Variants in ARK2N observed in about 807,000 individuals in gnomAD.
ARK2N encodes arkadia (RNF111) N-terminal like PKA signaling regulator 2N, also known as protein ARK2N.
the ARK2N span, among the ~76,000 whole-genome samples, chr18:46,241,198 A>G: frequency 6.6e-6 from 1 of 152,220 alleles, no homozygotes; most frequent in Non-Finnish European, 1.5e-5. Context: ...TTTGATTGGA[A>G]TTACAGAAAA....
the ARK2N span, chr18:46,264,606 A>G: frequency 6.5e-6 from 1 of 152,732 alleles, no homozygotes; most frequent in Non-Finnish European, 1.5e-5. Context: ...TGCTCTGCAT[A>G]AGGCACTGTG....
chr18:46,206,224 T>C, the ARK2N span, among the ~76,000 whole-genome samples: 2 of 152,040 alleles, frequency 1.3e-5, no homozygotes, highest in Admixed American at 6.6e-5. Context: ...TAGCTGAGAC[T>C]ACCAGCATGC....
At chr18:46,248,964 C>G in the ARK2N span, among the ~76,000 whole-genome samples, 1 of 152,186 alleles carries the variant, frequency 6.6e-6, no homozygotes, top group African/African-American at 2.4e-5. Context: ...TCAGTCCTCT[C>G]CCAGCTTCCT....
the ARK2N span, among the ~76,000 whole-genome samples, chr18:46,246,933 C>T: frequency 8.2e-5 from 12 of 145,996 alleles, no homozygotes; most frequent in Non-Finnish European, 1.8e-4. Context: ...AAGAGCAAAA[C>T]TCCATTTCAA....
the ARK2N span, chr18:46,263,150 C>G: frequency 1.3e-6 from 2 of 1,544,062 alleles, no homozygotes; most frequent in Non-Finnish European, 1.8e-6. Context: ...CTGCACTGTT[C>G]CCTTCCACTT....
the ARK2N span, chr18:46,263,805 C>T: frequency 6.6e-6 from 1 of 152,616 alleles, no homozygotes; most frequent in East Asian, 1.9e-4. Flanking sequence ...TAACTCTTTG[C>T]AAAATGTCTC....
chr18:46,231,675 A>G, the ARK2N span: 1 of 150,116 alleles, frequency 6.7e-6, no homozygotes, highest in Non-Finnish European at 1.5e-5. Context: ...GCTGTTACTA[A>G]GATTTAACAG....
chr18:46,217,245 G>C, the ARK2N span: 1 of 152,602 alleles, frequency 6.6e-6, no homozygotes, highest in Non-Finnish European at 1.5e-5. Flanking sequence ...ATTGGTATAA[G>C]GGTCTGTAAC....
At chr18:46,245,347 C>G in the ARK2N span, among the ~76,000 whole-genome samples, 1 of 151,858 alleles carries the variant, frequency 6.6e-6, no homozygotes, top group Non-Finnish European at 1.5e-5. Context: ...GTGGGCAGAT[C>G]ACGAGGTCAG....
At chr18:46,189,482 G>A in the ARK2N span, among the ~76,000 whole-genome samples, 1 of 151,914 alleles carries the variant, frequency 6.6e-6, no homozygotes, top group Non-Finnish European at 1.5e-5. Flanking sequence ...AAAGAGATGG[G>A]GTCTCATTAT....
chr18:46,204,940 T>TAA, the ARK2N span, among the ~76,000 whole-genome samples: 19 of 146,526 alleles, frequency 1.3e-4, no homozygotes, highest in Admixed American at 4.7e-4. Context: ...TTTTTTTTTT[T>TAA]ATTTTTTTTA....
the ARK2N span, among the ~76,000 whole-genome samples, chr18:46,220,118 G>A: frequency 8.5e-5 from 13 of 152,144 alleles, no homozygotes; most frequent in African/African-American, 2.2e-4. Flanking sequence ...GACCTGCTTT[G>A]TGGTTAAATG....
At chr18:46,176,568 C>T in the ARK2N span, among the ~76,000 whole-genome samples, 1 of 151,898 alleles carries the variant, frequency 6.6e-6, no homozygotes, top group East Asian at 1.9e-4. Flanking sequence ...ATTCCTCCCA[C>T]CTCAGCCTCC....
chr18:46,265,656 T>G, the ARK2N span: 1 of 152,444 alleles, frequency 6.6e-6, no homozygotes, highest in Admixed American at 6.5e-5. Context: ...CTAATAACTA[T>G]AGAGAGACTG....
the ARK2N span, among the ~76,000 whole-genome samples, chr18:46,258,526 T>C: frequency 6.6e-6 from 1 of 152,216 alleles, no homozygotes; most frequent in African/African-American, 2.4e-5. Context: ...GAAATTATTC[T>C]ATCAAACCAT....
the ARK2N span, chr18:46,266,595 A>G: frequency 1.6e-4 from 25 of 152,752 alleles, no homozygotes; most frequent in African/African-American, 5.3e-4. Flanking sequence ...TGTTTCTTAA[A>G]GAGTACAGAG....
At chr18:46,242,574 C>CTTTG in the ARK2N span, among the ~76,000 whole-genome samples, 8 of 152,244 alleles carry the variant, frequency 5.3e-5, 1 homozygote, top group South Asian at 1.7e-3. Context: ...TTTTCCTTCC[C>CTTTG]TTTGCCCTTC....
the ARK2N span, among the ~76,000 whole-genome samples, chr18:46,179,047 A>G: frequency 6.6e-6 from 1 of 151,862 alleles, no homozygotes; most frequent in African/African-American, 2.4e-5. Flanking sequence ...GGTTCAAGTG[A>G]TTCTCCTGCC....
At chr18:46,214,190 A>G in the ARK2N span, among the ~76,000 whole-genome samples, 1 of 152,214 alleles carries the variant, frequency 6.6e-6, no homozygotes, top group African/African-American at 2.4e-5. Flanking sequence ...TCTGTTTTAA[A>G]GGATTTTGCA....
Sources: allele counts gnomAD v4.1 joint callset (sites outside exome capture counted in the v4.1 genomes callset), GRCh38; gene constraint gnomAD v4.1.1; transcripts MANE v1.5; gene names NCBI Gene and HGNC (gene_info 2026-07-23, HGNC 2026-07-21).